The following CEACAM16 variants were observed in gnomAD, a reference collection of about 807,000 sequenced individuals.
CEACAM16 encodes the protein cell adhesion molecule CEACAM16.
A neutral mutation model predicts 39.4 loss-of-function variants in CEACAM16; 30 were observed. The ratio of observed to expected loss-of-function variants is 0.76; its 90% confidence interval spans 0.57 to 1.03. CEACAM16 has a LOEUF of 1.03. Ranked by LOEUF, CEACAM16 falls within the 50% of genes least tolerant of loss-of-function variation. The pLI, the probability that CEACAM16 is intolerant of heterozygous loss-of-function variation, is 0.00. For synonymous variants in CEACAM16, 262 were observed against 264.9 expected, an observed-to-expected ratio of 0.99 and a Z score of 0.11; for missense variants, 521 against 585.3, an observed-to-expected ratio of 0.89 and a Z score of 1.13.
intron 5 of CEACAM16, 47 bp downstream of exon 5, chr19:44,705,915 C>T: frequency 1.3e-6 from 2 of 1,572,804 alleles, no homozygotes. Flanking sequence ...ATGGAGGCCT[C>T]ATCAGGCTGC....
At chr19:44,706,808 C>T (rs1429868170) in intron 5 of CEACAM16, among the ~76,000 whole-genome samples, 1 of 152,162 alleles carries the variant, frequency 6.6e-6, no homozygotes, top group Non-Finnish European at 1.5e-5. Flanking sequence ...GGATACAGTG[C>T]CCCCAAGGGC....
chr19:44,705,915 C>A, intron 5 of CEACAM16, 47 bp downstream of exon 5: 1 of 1,572,802 alleles, frequency 6.4e-7, no homozygotes, highest in Non-Finnish European at 8.7e-7. Flanking sequence ...ATGGAGGCCT[C>A]ATCAGGCTGC....
chr19:44,704,151 C>T lies in CEACAM16; in HGVS notation c.516C>T (p.Pro172=), dbSNP rs767675963. ...VRWFFNGGAL[P]VALRLGLSPD... ...GGTTCTTCAACGGTGGGGCCCTGCC[C>T]GTCGCTCTCCGCCTGGGCCTGTCCC... is the stretch of plus-strand genomic sequence containing the variant. The change falls in exon 4 of 7, where the codon CCC becomes CCT. Residue 172 remains proline, a synonymous_variant. Transcript: ENST00000587331. The T allele has an allele frequency of 7.4e-5, 118 of 1,589,760 alleles. No individual in the cohort carries two copies. Among genetic ancestry groups the T allele is most frequent in the Middle Eastern group, 1.8e-4 (1 of 5,658 alleles).
chr19:44,705,805 T>C lies in CEACAM16; in HGVS notation c.877T>C (p.Cys293Arg). 2 of 1,613,912 alleles carry C rather than the reference T, an allele frequency of 1.2e-6. No homozygotes were observed. The highest frequency in any genetic ancestry group is 1.1e-5 in the South Asian group (1 of 91,084). ...AGCCGCCCAGGAGGGGACGTACACATGTATTGCGAAGAACACCAAGACCCT... is the reference window on the plus strand; with the variant it reads ...AGCCGCCCAGGAGGGGACGTACACACGTATTGCGAAGAACACCAAGACCCT... ...MTAAQEGTYTCIAKNTKTLLS... is the reference protein window; with the variant it reads ...MTAAQEGTYTRIAKNTKTLLS... The change falls in exon 5 of 7, where the codon TGT becomes CGT. Residue 293 changes from cysteine to arginine, a missense_variant. Coordinates refer to ENST00000587331, the MANE Select transcript of CEACAM16 (RefSeq NM_001039213.4).
At chr19:44,699,329 T>C (rs142837962) in intron 1 of CEACAM16, 69 bp downstream of exon 1, 1 of 527,280 alleles carries the variant, frequency 1.9e-6, no homozygotes, top group African/African-American at 1.9e-5. Flanking sequence ...AGTACTATTG[T>C]TTTCCCTATT....
At chr19:44,709,491 G>C (rs1974503839) in intron 6 of CEACAM16, among the ~76,000 whole-genome samples, 2 of 138,766 alleles carry the variant, frequency 1.4e-5, no homozygotes, top group South Asian at 4.7e-4. Flanking sequence ...TCCTTCATCA[G>C]ACTGGGAGCT....
chr19:44,700,921 T>C (rs1194324259), intron 1 of CEACAM16, among the ~76,000 whole-genome samples: 5 of 152,096 alleles, frequency 3.3e-5, no homozygotes, highest in Non-Finnish European at 5.9e-5. Context: ...ACCTAGCTCA[T>C]CTCCATCTGC....
intron 6 of CEACAM16, among the ~76,000 whole-genome samples, chr19:44,708,972 C>T (rs1974493358): frequency 6.6e-6 from 1 of 151,994 alleles, no homozygotes; most frequent in South Asian, 2.1e-4. Context: ...ATGTTGGGAA[C>T]CGTGTCTCCC....
Position 44,705,485 on chromosome 19 carries a change from C to A in CEACAM16, c.662-105C>A. 1.6e-6 allele frequency: 2 copies of A among 1,258,280 alleles called. 1 individual carries two copies. The highest frequency in any genetic ancestry group is 3.3e-5 in the South Asian group (2 of 61,036). The allele number at this position is 1,258,280 out of a possible 1,614,324, so 77.9% of individuals were successfully genotyped here. Reference sequence around the variant, plus strand: ...GAGCTTTTTTTCCCCTCCACTAGGCCAAGATATTCCCAGGGACCTAGCTTG... The same window carrying A: ...GAGCTTTTTTTCCCCTCCACTAGGCAAAGATATTCCCAGGGACCTAGCTTG... On this transcript the variant is annotated intron_variant, in intron 4 of 6. Transcript: ENST00000587331.
rs780851450 is a variant in CEACAM16 at position 44,704,252 on chromosome 19, C to G, written c.617C>G (p.Pro206Arg). ...GCCTATCAGTGTGAGGTGTGGAACC[C>G]GGTCAGTGTCAGCCGCAGCGAGCCC... is the stretch of plus-strand genomic sequence containing the variant. ...AGAYQCEVWN[P>R]VSVSRSEPIN... The change falls in exon 4 of 7, where the codon CCG becomes CGG. Residue 206 changes from proline (P) to arginine (R), a missense_variant. Transcript: ENST00000587331. 13 of 1,539,480 alleles carry G rather than the reference C, an allele frequency of 8.4e-6. No individual in the cohort carries two copies. The East Asian group carries it at 2.9e-4, about 35-fold the overall frequency.
intron 6 of CEACAM16, among the ~76,000 whole-genome samples, chr19:44,709,643 T>C (rs1292028774): frequency 2.2e-4 from 24 of 111,438 alleles, no homozygotes; most frequent in East Asian, 6.8e-4. Flanking sequence ...AGTCAGGGTC[T>C]ATGTCTCCTC....
At chr19:44,699,566 A>G (rs1359370500) in intron 1 of CEACAM16, 5 of 378,050 alleles carry the variant, frequency 1.3e-5, no homozygotes, top group Non-Finnish European at 1.5e-5. Context: ...TAGTAGAGAC[A>G]GGGTTTCACC....
At position 44,705,635 on chromosome 19, in the gene CEACAM16, C is replaced by A. The variant is rs780505743; in HGVS notation, c.707C>A (p.Thr236Lys). 6.8e-5 allele frequency: 109 copies of A among 1,611,300 alleles called. No homozygotes were observed. Among genetic ancestry groups the A allele is most frequent in the Non-Finnish European group, 8.7e-5 (103 of 1,177,722 alleles). ...VAILQDSTTR[T>K]GCTIKVDFNT... is the part of the protein sequence containing the mutation. Reference sequence around the variant, plus strand: ...ATCCTCCAGGATTCCACCACCCGCACAGGCTGCACCATCAAAGTTGACTTC... The same window carrying A: ...ATCCTCCAGGATTCCACCACCCGCAAAGGCTGCACCATCAAAGTTGACTTC... Residue 236 changes from threonine to lysine, a missense_variant, in exon 5 of 7, where the codon ACA becomes AAA. Thr to Lys is a moderately conservative substitution (Grantham distance 78, BLOSUM62 -1). Coordinates refer to ENST00000587331, the MANE Select transcript of CEACAM16 (RefSeq NM_001039213.4).
At chr19:44,707,356 G>A (rs755484804) in intron 5 of CEACAM16, among the ~76,000 whole-genome samples, 18 of 152,072 alleles carry the variant, frequency 1.2e-4, no homozygotes, top group African/African-American at 3.1e-4. Context: ...CAGGGCTGCC[G>A]CCTTGTAGGA....
chr19:44,703,220 T>G (rs1974377327), intron 2 of CEACAM16, 129 bp from the exon 3 acceptor site: 1 of 751,106 alleles, frequency 1.3e-6, no homozygotes, highest in Non-Finnish European at 2.1e-6. Flanking sequence ...AAATCCTGGT[T>G]TTGCCTGTCC....
chr19:44,706,703 G>A (rs1974455428), intron 5 of CEACAM16, among the ~76,000 whole-genome samples: 1 of 152,200 alleles, frequency 6.6e-6, no homozygotes, highest in South Asian at 2.1e-4. Context: ...CAGGAGACAG[G>A]GGGATGGACC....
At position 44,706,311 on chromosome 19, in the gene CEACAM16, C is replaced by CACACACA. The variant is rs1281348741; in HGVS notation, c.940+444_940+445insCACACAA. Among the ~76,000 whole-genome samples, 358 of 146,240 alleles carry CACACACA rather than the reference C, an allele frequency of 2.4e-3. 1 individual carries two copies. The highest frequency in any genetic ancestry group is 8.9e-3 in the African/African-American group (340 of 38,414). ...ACACACACACACACACACACACACA[C>CACACACA]AACTGAAGAATCACAGCCAATTGCT... On this transcript the variant is annotated intron_variant, in intron 5 of 6. Transcript: ENST00000587331.
At chr19:44,708,238 C>A in intron 6 of CEACAM16, 51 bp downstream of exon 6, 1 of 1,431,990 alleles carries the variant, frequency 7.0e-7, no homozygotes, top group South Asian at 1.4e-5. Flanking sequence ...CAAGGGCTCC[C>A]AAAAGGAGCC....
At chr19:44,702,703 T>G (rs1974367378) in intron 2 of CEACAM16, among the ~76,000 whole-genome samples, 1 of 152,258 alleles carries the variant, frequency 6.6e-6, no homozygotes, top group Admixed American at 6.5e-5. Flanking sequence ...AGCCCCAGAC[T>G]GGGAGTCAGG....
Sources: gnomAD v4.1 joint callset for allele counts (sites outside exome capture counted in the v4.1 genomes callset) on GRCh38, gnomAD v4.1.1 for gene constraint, MANE v1.5 for transcripts, NCBI Gene and HGNC (gene_info 2026-07-23, HGNC 2026-07-21) for gene names.